Variants in CSMD1 observed in about 807,000 individuals in gnomAD.
CSMD1 encodes the protein CUB and sushi domain-containing protein 1.
CSMD1 carries 213 observed loss-of-function variants against 417.5 expected under a neutral mutation model. That is an observed-to-expected ratio of 0.51 (90% CI 0.46 to 0.57). The LOEUF is 0.57. CSMD1 is among the 20% of genes least tolerant of loss of function. CSMD1 has a pLI of 0.00. For missense variants in CSMD1, 6,923 were observed against 4,529.7 expected (o/e 1.53, Z -15.17); for synonymous variants, 2,862 against 1,736.8 (o/e 1.65, Z -16.11).
intron 10 of CSMD1, among the ~76,000 whole-genome samples, chr8:3,516,385 G>A (rs1797283206): frequency 6.6e-6 from 1 of 152,108 alleles, no homozygotes; most frequent in Non-Finnish European, 1.5e-5. Context: ...GAAAAATACT[G>A]GGATGTGTCA....
At chr8:4,297,996 T>A (rs1202303865) in intron 3 of CSMD1, among the ~76,000 whole-genome samples, 1 of 152,142 alleles carries the variant, frequency 6.6e-6, no homozygotes, top group Admixed American at 6.5e-5. Context: ...TGCTAAAATG[T>A]AGCAAACGCT....
At chr8:4,300,203 G>T (rs1456635658) in intron 3 of CSMD1, among the ~76,000 whole-genome samples, 1 of 152,208 alleles carries the variant, frequency 6.6e-6, no homozygotes, top group African/African-American at 2.4e-5. Flanking sequence ...CTCACAGAAG[G>T]TGTGTAATGT....
chr8:4,516,549 G>GC (rs1175850210), intron 2 of CSMD1, among the ~76,000 whole-genome samples: 4 of 152,012 alleles, frequency 2.6e-5, no homozygotes, highest in African/African-American at 9.7e-5. Context: ...GCTTGGTGTG[G>GC]CCCCCAGCCA....
chr8:4,100,775 T>C (rs975734699), intron 3 of CSMD1, among the ~76,000 whole-genome samples: 1 of 152,206 alleles, frequency 6.6e-6, no homozygotes, highest in African/African-American at 2.4e-5. Flanking sequence ...GTCATCGATC[T>C]TACCTTTAGA....
At chr8:3,352,032 A>C (rs1405515034) in intron 21 of CSMD1, among the ~76,000 whole-genome samples, 1 of 152,112 alleles carries the variant, frequency 6.6e-6, no homozygotes, top group African/African-American at 2.4e-5. Flanking sequence ...GTCAATAAGA[A>C]AATATGATAT....
chr8:4,389,394 C>T (rs953084380), intron 3 of CSMD1, among the ~76,000 whole-genome samples: 1 of 152,022 alleles, frequency 6.6e-6, no homozygotes, highest in Non-Finnish European at 1.5e-5. Flanking sequence ...ATGAGGTCCC[C>T]AGAATTAGAC....
intron 3 of CSMD1, among the ~76,000 whole-genome samples, chr8:4,409,866 T>C (rs1159852364): frequency 6.6e-6 from 1 of 151,968 alleles, no homozygotes; most frequent in East Asian, 1.9e-4. Context: ...CAGGCTGGAG[T>C]GTAATGGTGC....
intron 50 of CSMD1, among the ~76,000 whole-genome samples, chr8:3,039,249 C>A (rs67562441): frequency 0.27 from 40,510 of 147,956 alleles, 5,718 homozygotes; most frequent in African/African-American, 0.33. Context: ...ATCTGACTCC[C>A]GTGCCTGAAA....
intron 1 of CSMD1, among the ~76,000 whole-genome samples, chr8:4,861,840 G>A (rs1475157865): frequency 6.6e-6 from 1 of 152,090 alleles, no homozygotes; most frequent in African/African-American, 2.4e-5. Flanking sequence ...CATAATATGT[G>A]TGAGAAACAA....
In CSMD1 at chr8:4,599,776, C is replaced by T. The variant is rs575299337; in HGVS notation, c.302+37566G>A. On this transcript the variant is annotated intron_variant, in intron 2 of 69. Coordinates refer to ENST00000635120, the MANE Select transcript of CSMD1 (RefSeq NM_033225.6). ...GTAACAATAATTCTCACAGTTCACACAGTGGATACTGTAAGCCAAGTATAT... is the reference window on the plus strand; with the variant it reads ...GTAACAATAATTCTCACAGTTCACATAGTGGATACTGTAAGCCAAGTATAT... 9.2e-5 allele frequency among the ~76,000 whole-genome samples: 14 copies of T among 152,322 alleles called. No homozygotes were observed. The South Asian group carries it at 2.9e-3, about 32-fold the overall frequency.
At chr8:3,866,572 C>T (rs1244336781) in intron 5 of CSMD1, among the ~76,000 whole-genome samples, 1 of 151,984 alleles carries the variant, frequency 6.6e-6, no homozygotes. Flanking sequence ...CTGGTGATGA[C>T]ACTAGCCACT....
chr8:3,381,030 A>C lies in CSMD1; in HGVS notation c.2782+6464T>G, dbSNP rs141299361. 3.1e-3 allele frequency among the ~76,000 whole-genome samples: 476 copies of C among 152,276 alleles called. 3 individuals are homozygous for C. Among genetic ancestry groups the C allele is most frequent in the Middle Eastern group, 6.8e-3 (2 of 294 alleles). On this transcript the variant is annotated intron_variant, in intron 18 of 69. Transcript: ENST00000635120. ...TTGAGAAAAACCTCACTTACAATCA[A>C]AATTATGTATCTCAAATGAGTCAGG...
intron 6 of CSMD1, among the ~76,000 whole-genome samples, chr8:3,710,096 A>G (rs1426828268): frequency 6.6e-6 from 1 of 150,934 alleles, no homozygotes; most frequent in African/African-American, 2.4e-5. Context: ...ATCTACATAT[A>G]TTTTACGCAT....
intron 5 of CSMD1, among the ~76,000 whole-genome samples, chr8:3,944,927 T>G (rs1049455631): frequency 6.6e-6 from 1 of 152,208 alleles, no homozygotes; most frequent in African/African-American, 2.4e-5. Flanking sequence ...ACGCTGTCTC[T>G]CACTTTGTTA....
chr8:3,897,410 T>C (rs1188563489), intron 5 of CSMD1, among the ~76,000 whole-genome samples: 2 of 152,196 alleles, frequency 1.3e-5, no homozygotes, highest in African/African-American at 2.4e-5. Context: ...AAAATGTTTC[T>C]CAAAGACCTG....
intron 1 of CSMD1, among the ~76,000 whole-genome samples, chr8:4,738,810 G>C (rs1810410758): frequency 6.6e-6 from 1 of 152,058 alleles, no homozygotes; most frequent in Non-Finnish European, 1.5e-5. Context: ...GCCCCTGTCT[G>C]AGTTCAACTA....
At chr8:3,514,553 G>C (rs975331225) in intron 10 of CSMD1, among the ~76,000 whole-genome samples, 4 of 152,134 alleles carry the variant, frequency 2.6e-5, no homozygotes, top group African/African-American at 9.7e-5. Context: ...TAAATAATAT[G>C]TTATAGTTGG....
intron 5 of CSMD1, among the ~76,000 whole-genome samples, chr8:3,775,186 G>A (rs950712800): frequency 6.6e-6 from 1 of 152,134 alleles, no homozygotes; most frequent in Non-Finnish European, 1.5e-5. Context: ...CCAAACTTAA[G>A]TCCAAAAAAG....
At chr8:3,970,249 AACAG>A (rs1466638852) in intron 5 of CSMD1, among the ~76,000 whole-genome samples, 1 of 152,190 alleles carries the variant, frequency 6.6e-6, no homozygotes, top group Non-Finnish European at 1.5e-5. Flanking sequence ...TAATCAACTA[AACAG>A]ACCAGAACGC....
Sources: gnomAD v4.1 joint callset for allele counts (sites outside exome capture counted in the v4.1 genomes callset) on GRCh38, gnomAD v4.1.1 for gene constraint, MANE v1.5 for transcripts, NCBI Gene and HGNC (gene_info 2026-07-23, HGNC 2026-07-21) for gene names.